Variants in CDH23 observed in about 807,000 individuals in gnomAD.
The protein encoded by CDH23 is cadherin related 23.
CDH23 carries 189 observed loss-of-function variants against 317.1 expected under a neutral mutation model. The observed-to-expected ratio is 0.60, with a 90% CI of 0.53 to 0.67. The LOEUF (loss-of-function observed/expected upper bound fraction) is 0.67. Among genes scored for constraint, CDH23 ranks in the 30% least tolerant of loss-of-function variants. The pLI, the probability that CDH23 is intolerant of heterozygous loss-of-function variation, is 0.00. For synonymous variants in CDH23, 1,839 were observed against 1,876.8 expected, an observed-to-expected ratio of 0.98 and a Z score of 0.52; for missense variants, 4,401 against 4,592.4, an observed-to-expected ratio of 0.96 and a Z score of 1.20.
intron 60 of CDH23, among the ~76,000 whole-genome samples, chr10:71,809,205 C>T (rs933100542): frequency 1.0e-5 from 1 of 96,056 alleles, no homozygotes; most frequent in Non-Finnish European, 1.9e-5. Context: ...GATAGACTCT[C>T]ACTCTGTTTG....
intron 26 of CDH23, chr10:71,707,506 A>C (rs1398863158): frequency 2.8e-6 from 3 of 1,066,762 alleles, no homozygotes; most frequent in Non-Finnish European, 2.3e-6. Context: ...GTTTTAGCTC[A>C]AAAATGTTGC....
At chr10:71,540,981 A>C (rs1255458632) in intron 6 of CDH23, among the ~76,000 whole-genome samples, 1 of 151,778 alleles carries the variant, frequency 6.6e-6, no homozygotes, top group Non-Finnish European at 1.5e-5. Flanking sequence ...GGCCCTACCC[A>C]ACTCCATCCC....
chr10:71,527,402 T>G (rs983036749), intron 6 of CDH23, among the ~76,000 whole-genome samples: 19 of 152,216 alleles, frequency 1.2e-4, no homozygotes, highest in African/African-American at 2.4e-5. Context: ...AGCACTGAGC[T>G]TGCCAGGTCG....
Position 71,471,879 on chromosome 10 carries a change from A to G in CDH23, c.145+25484A>G, listed in dbSNP as rs113204253. Among the ~76,000 whole-genome samples, 1,177 of 152,276 alleles carry G rather than the reference A, an allele frequency of 7.7e-3. 19 individuals are homozygous for G. The highest frequency in any genetic ancestry group is 0.027 in the African/African-American group (1,122 of 41,564). On this transcript the variant is annotated intron_variant, in intron 3 of 69. Coordinates refer to ENST00000224721, the MANE Select transcript of CDH23 (RefSeq NM_022124.6). ...CTCATGGCCTGTAATACAGCTTAGC[A>G]TGTACACACATCCTACGTGGAAACC...
At chr10:71,621,726 A>G (rs974434995) in intron 11 of CDH23, among the ~76,000 whole-genome samples, 11 of 152,182 alleles carry the variant, frequency 7.2e-5, no homozygotes, top group Non-Finnish European at 4.4e-5. Context: ...TGAGGATGCT[A>G]ATCGAATTCA....
chr10:71,786,141 G>T (rs2132941223), intron 44 of CDH23, among the ~76,000 whole-genome samples: 1 of 152,328 alleles, frequency 6.6e-6, no homozygotes, highest in Non-Finnish European at 1.5e-5. Context: ...TCACCCACAA[G>T]CATGCTCTGA....
chr10:71,707,583 G>A, intron 26 of CDH23: 1 of 968,578 alleles, frequency 1.0e-6, no homozygotes, highest in Non-Finnish European at 1.2e-6. Flanking sequence ...AGGGGAAAGT[G>A]AGCTGCAATG....
At chr10:71,478,307 G>A (rs1003286440) in intron 3 of CDH23, among the ~76,000 whole-genome samples, 1 of 152,116 alleles carries the variant, frequency 6.6e-6, no homozygotes, top group Non-Finnish European at 1.5e-5. Flanking sequence ...CCCTCCTGCT[G>A]TGCCTGGAGA....
chr10:71,511,036 T>TG (rs1564624055), intron 5 of CDH23, 35 bp downstream of exon 5: 1 of 1,612,948 alleles, frequency 6.2e-7, no homozygotes, highest in Admixed American at 1.7e-5. Flanking sequence ...GGCATGTTCC[T>TG]GGGGTCACAG....
intron 51 of CDH23, 97 bp from the exon 52 acceptor site, chr10:71,799,395 C>A (rs1019890986): frequency 1.2e-6 from 2 of 1,602,366 alleles, no homozygotes; most frequent in Admixed American, 3.3e-5. Flanking sequence ...GCCCAGCCCA[C>A]GAGCAGCTTG....
intron 14 of CDH23, among the ~76,000 whole-genome samples, chr10:71,657,246 C>G (rs959111654): frequency 3.3e-5 from 5 of 152,210 alleles, no homozygotes; most frequent in Middle Eastern, 3.2e-3. Context: ...TGGCCTTGAG[C>G]CGGTGACTGA....
At chr10:71,608,365 G>A (rs1361200609) in intron 9 of CDH23, among the ~76,000 whole-genome samples, 9 of 152,194 alleles carry the variant, frequency 5.9e-5, no homozygotes, top group East Asian at 1.9e-4. Context: ...GATCAGGATC[G>A]CACAGGTCAA....
At position 71,760,989 on chromosome 10, in the gene CDH23, C is replaced by G. The variant is rs1840367656; in HGVS notation, c.4846-16691C>G. 3.3e-6 allele frequency: 5 copies of G among 1,522,034 alleles called. No individual in the cohort carries two copies. In the South Asian group the frequency reaches 5.6e-5, roughly 17 times the overall value. The allele number at this position is 1,522,034 out of a possible 1,614,324, so 94.3% of individuals were successfully genotyped here. A position where few individuals can be genotyped will look rare whatever the true frequency, so the allele number is the denominator to read the frequency against. On this transcript the variant is annotated intron_variant, in intron 38 of 69. Coordinates refer to ENST00000224721, the MANE Select transcript of CDH23 (RefSeq NM_022124.6). ...GCCCAGGAGGCCAGGGAGGCTTGTCCAGGCCAGTGTCCCCCTCCTGCCCCA... is the reference window on the plus strand; with the variant it reads ...GCCCAGGAGGCCAGGGAGGCTTGTCGAGGCCAGTGTCCCCCTCCTGCCCCA...
intron 6 of CDH23, among the ~76,000 whole-genome samples, chr10:71,562,309 G>A (rs994976531): frequency 5.3e-5 from 8 of 152,306 alleles, no homozygotes; most frequent in African/African-American, 1.9e-4. Context: ...CTCCCCATGC[G>A]CATGCTGATA....
rs574582646 is a variant in CDH23, at chr10:71,603,123, T to A, written c.833-12381T>A. ...CCGAGAAGCTTCATCCCTGGGCCCA[T>A]CTTTCCCATGTCCCATTGCTGGATT... On this transcript the variant is annotated intron_variant, in intron 9 of 69. Coordinates refer to ENST00000224721, the MANE Select transcript of CDH23 (RefSeq NM_022124.6). Among the ~76,000 whole-genome samples the A allele has an allele frequency of 1.8e-4, 27 of 152,150 alleles. No homozygotes were observed. The South Asian group carries it at 5.6e-3, about 32-fold the overall frequency.
At chr10:71,473,864 T>C (rs1851645758) in intron 3 of CDH23, among the ~76,000 whole-genome samples, 1 of 152,170 alleles carries the variant, frequency 6.6e-6, no homozygotes, top group Non-Finnish European at 1.5e-5. Flanking sequence ...CAGGGACCTG[T>C]TGCCCACTCC....
chr10:71,559,854 C>T (rs1857041349), intron 6 of CDH23, among the ~76,000 whole-genome samples: 1 of 152,230 alleles, frequency 6.6e-6, no homozygotes, highest in African/African-American at 2.4e-5. Flanking sequence ...ATTATCGCTC[C>T]CCGATTCCTC....
At chr10:71,513,203 G>A (rs891084013) in intron 6 of CDH23, among the ~76,000 whole-genome samples, 1 of 152,136 alleles carries the variant, frequency 6.6e-6, no homozygotes, top group African/African-American at 2.4e-5. Context: ...CCTGATACTC[G>A]ATGCCCTGCT....
intron 9 of CDH23, among the ~76,000 whole-genome samples, chr10:71,613,216 G>A (rs1861006485): frequency 1.3e-5 from 2 of 152,304 alleles, no homozygotes; most frequent in African/African-American, 2.4e-5. Flanking sequence ...CACACATCTC[G>A]TTTCTCTAGC....
Sources: gnomAD v4.1 joint callset for allele counts (sites outside exome capture counted in the v4.1 genomes callset) on GRCh38, gnomAD v4.1.1 for gene constraint, MANE v1.5 for transcripts, NCBI Gene and HGNC (gene_info 2026-07-23, HGNC 2026-07-21) for gene names.